CACHD1: variants seen among roughly 807,000 people sequenced by gnomAD.
CACHD1 encodes the protein cache domain containing 1, also known as VWFA and cache domain-containing protein 1.
In CACHD1, 71 loss-of-function variants were observed where a neutral mutation model predicts 138.7. The observed-to-expected ratio is 0.51, with a 90% CI of 0.42 to 0.62. The LOEUF (loss-of-function observed/expected upper bound fraction) is 0.62. Ranked by LOEUF, CACHD1 falls within the 20% of genes least tolerant of loss-of-function variation. The pLI, the probability that CACHD1 is intolerant of heterozygous loss-of-function variation, is 0.00. For synonymous variants in CACHD1, 578 were observed against 591.5 expected (o/e 0.98, Z 0.33); for missense variants, 1,389 against 1,625.3 (o/e 0.85, Z 2.50).
chr1:64,681,551 T>TTTTGTTGTTG (rs1557555832), intron 25 of CACHD1, among the ~76,000 whole-genome samples: 13 of 114,944 alleles, frequency 1.1e-4, no homozygotes, highest in African/African-American at 3.6e-4. Context: ...GTTTTTTTTT[T>TTTTGTTGTTG]TTTTTTTTTT....
chr1:64,691,215 T>G (rs905748972), intron 26 of CACHD1, 108 bp from the exon 27 acceptor site: 2 of 910,778 alleles, frequency 2.2e-6, no homozygotes, highest in Non-Finnish European at 3.6e-6. Context: ...TTTGCACCTA[T>G]GTATTGCAAA....
chr1:64,652,037 CTT>C (rs970941980), intron 9 of CACHD1, 122 bp from the exon 10 acceptor site: 13 of 829,870 alleles, frequency 1.6e-5, no homozygotes, highest in Non-Finnish European at 2.2e-5. Flanking sequence ...ACATGGGAAA[CTT>C]TTCTTCCAAA....
At chr1:64,620,478 A>G (rs1349155084) in intron 4 of CACHD1, among the ~76,000 whole-genome samples, 1 of 152,198 alleles carries the variant, frequency 6.6e-6, no homozygotes, top group African/African-American at 2.4e-5. Context: ...ATCCATTTGG[A>G]TGTTAAATAA....
intron 3 of CACHD1, among the ~76,000 whole-genome samples, chr1:64,583,733 G>A (rs1203755862): frequency 1.3e-5 from 2 of 152,190 alleles, no homozygotes; most frequent in East Asian, 3.9e-4. Context: ...ATGGCGGAAA[G>A]TGAAGGAGGA....
intron 1 of CACHD1, among the ~76,000 whole-genome samples, chr1:64,483,671 C>A (rs1646224287): frequency 7.6e-6 from 1 of 132,156 alleles, no homozygotes; most frequent in Non-Finnish European, 1.5e-5. Flanking sequence ...TGGTGAGACC[C>A]TGTCTCTACC....
intron 22 of CACHD1, among the ~76,000 whole-genome samples, chr1:64,677,792 T>C (rs1650045421): frequency 6.6e-6 from 1 of 152,194 alleles, no homozygotes; most frequent in African/African-American, 2.4e-5. Flanking sequence ...ATTGGACTTT[T>C]TTTTTTATTT....
At chr1:64,671,816 A>G (rs1023580554) in intron 17 of CACHD1, 130 bp downstream of exon 17, 3 of 1,116,290 alleles carry the variant, frequency 2.7e-6, no homozygotes, top group Admixed American at 2.2e-5. Context: ...TGGGTGTCCT[A>G]TTAAGAAGGT....
chr1:64,550,444 T>TA (rs1646749991), intron 1 of CACHD1, 150 bp from the exon 2 acceptor site: 1 of 578,520 alleles, frequency 1.7e-6, no homozygotes, highest in African/African-American at 1.9e-5. Flanking sequence ...CTTTGGCTGA[T>TA]ACTTGGGTTT....
At chr1:64,604,461 C>G (rs927714713) in intron 4 of CACHD1, among the ~76,000 whole-genome samples, 1 of 152,120 alleles carries the variant, frequency 6.6e-6, no homozygotes, top group South Asian at 2.1e-4. Context: ...AGCTGGAAAT[C>G]GAGTCTCCAG....
At position 64,629,369 on chromosome 1, in the gene CACHD1, C is replaced by G. The variant is rs755879454; in HGVS notation, c.532C>G (p.Leu178Val). Residue 178 changes from leucine to valine, a missense_variant, in exon 5 of 27, where the codon CTG (leucine) becomes GTG (valine). Physicochemically the swap from Leu to Val is conservative, Grantham distance 32. Around this residue, in one of 5 missense-constraint regions of CACHD1, gnomAD observed 1,000 missense variants for 1,114.7 expected, o/e 0.90. Transcript: ENST00000651257. ...RDLNSVLADN[L>V]KSNPGIKWQY... ...TACACCTCTAGTTCTTGCAGACAAC[C>G]TGAAATCCAACCCTGGAATTAAGTG... 6.2e-7 allele frequency: 1 copy of G among 1,613,898 alleles called. No individual in the cohort carries two copies. Among genetic ancestry groups the G allele is most frequent in the South Asian group, 1.1e-5 (1 of 91,038 alleles).
At chr1:64,587,737 G>T (rs912454873) in intron 3 of CACHD1, among the ~76,000 whole-genome samples, 1 of 152,012 alleles carries the variant, frequency 6.6e-6, no homozygotes, top group Admixed American at 6.6e-5. Flanking sequence ...AATTTAATTC[G>T]CAGCTCCCTT....
intron 7 of CACHD1, among the ~76,000 whole-genome samples, chr1:64,639,327 T>C (rs4915672): frequency 0.077 from 11,705 of 152,264 alleles, 482 homozygotes; most frequent in Non-Finnish European, 0.083. Context: ...CTGTTTAGGG[T>C]CCTTATAAAA....
At chr1:64,658,642 A>G (rs1649340442) in intron 12 of CACHD1, 63 bp from the exon 13 acceptor site, 1 of 1,287,710 alleles carries the variant, frequency 7.8e-7, no homozygotes, top group African/African-American at 1.5e-5. Context: ...TAATGTATGC[A>G]AAGTCCCTGT....
At chr1:64,480,016 C>T (rs575250178) in intron 1 of CACHD1, among the ~76,000 whole-genome samples, 11 of 152,302 alleles carry the variant, frequency 7.2e-5, no homozygotes, top group Non-Finnish European at 1.2e-4. Context: ...TTCTGCCTCC[C>T]CAAGTCCAGT....
chr1:64,653,713 T>C, intron 10 of CACHD1, 45 bp from the exon 11 acceptor site: 1 of 1,597,590 alleles, frequency 6.3e-7, no homozygotes, highest in East Asian at 2.2e-5. Flanking sequence ...CAGAACTTCC[T>C]ACAACATGTT....
intron 7 of CACHD1, among the ~76,000 whole-genome samples, chr1:64,637,827 G>T (rs7552434): frequency 6.6e-6 from 1 of 152,002 alleles, no homozygotes; most frequent in Admixed American, 6.6e-5. Flanking sequence ...AGGAATGAGC[G>T]TTGTCCAGTT....
intron 2 of CACHD1, among the ~76,000 whole-genome samples, chr1:64,556,811 T>C (rs967128865): frequency 2.0e-5 from 3 of 152,152 alleles, no homozygotes; most frequent in Non-Finnish European, 4.4e-5. Context: ...TTGGAAAAAT[T>C]AAAATTCCAC....
At chr1:64,566,480 C>CCA (rs1553133827) in intron 2 of CACHD1, among the ~76,000 whole-genome samples, 1 of 892 alleles carries the variant, frequency 1.1e-3, no homozygotes, top group Non-Finnish European at 4.0e-3. Flanking sequence ...GTTTTCAATT[C>CCA]CCCCCCCCCC....
At chr1:64,564,880 TG>T (rs1235245891) in intron 2 of CACHD1, among the ~76,000 whole-genome samples, 1 of 152,024 alleles carries the variant, frequency 6.6e-6, no homozygotes, top group Non-Finnish European at 1.5e-5. Context: ...AGCTTGAGTG[TG>T]TTCTTGAATT....
Sources: gnomAD v4.1 joint callset for allele counts (sites outside exome capture counted in the v4.1 genomes callset) on GRCh38, gnomAD v4.1.1 for gene constraint, gnomAD v4.1.1 regional missense constraint, MANE v1.5 for transcripts, NCBI Gene and HGNC (gene_info 2026-07-23, HGNC 2026-07-21) for gene names.